Variants in LGR5 observed in about 807,000 individuals in gnomAD.
LGR5 encodes the protein leucine rich repeat containing G protein-coupled receptor 5.
In LGR5, 54 loss-of-function variants were observed where a neutral mutation model predicts 76.7. That is an observed-to-expected ratio of 0.70 (90% CI 0.57 to 0.88). The LOEUF is 0.88. Among genes scored for constraint, LGR5 ranks in the 40% least tolerant of loss-of-function variants. The pLI is 0.00. For missense variants in LGR5, 1,078 were observed against 1,073.3 expected (o/e 1.00, Z -0.06); for synonymous variants, 406 against 421.9 (o/e 0.96, Z 0.46).
At chr12:71,540,870 A>G (rs1876841798) in intron 4 of LGR5, among the ~76,000 whole-genome samples, 1 of 152,222 alleles carries the variant, frequency 6.6e-6, no homozygotes, top group African/African-American at 2.4e-5. Context: ...AGGGGTTAAA[A>G]AAACAGTGGT....
At chr12:71,459,820 A>C (rs1044848033) in intron 1 of LGR5, among the ~76,000 whole-genome samples, 3 of 151,760 alleles carry the variant, frequency 2.0e-5, no homozygotes, top group African/African-American at 7.3e-5. Flanking sequence ...TACTCCTATA[A>C]ATTATAATAA....
chr12:71,490,144 A>C (rs10879290), intron 1 of LGR5, among the ~76,000 whole-genome samples: 74,946 of 148,792 alleles, frequency 0.5, 19,610 homozygotes, highest in East Asian at 0.85. Flanking sequence ...AAAAAAAAAA[A>C]CCCATAAAAA....
chr12:71,491,736 A>G (rs1277028073), intron 1 of LGR5, among the ~76,000 whole-genome samples: 1 of 149,992 alleles, frequency 6.7e-6, no homozygotes, highest in East Asian at 2.0e-4. Flanking sequence ...GCAAACAAGT[A>G]TTGGCTCTTC....
Position 71,584,619 on chromosome 12 carries a change from C to T in LGR5, c.2609C>T (p.Thr870Ile). ...QSCDSTQALV[T>I]FTSSSITYDL... ...TGTGACTCAACTCAAGCCTTGGTAA[C>T]CTTTACCAGCTCCAGCATCACTTAT... Residue 870 changes from threonine (T) to isoleucine (I), a missense_variant, in exon 18 of 18, where the codon ACC (threonine) becomes ATC (isoleucine). Physicochemically the swap from Thr to Ile is moderately conservative, Grantham distance 89. Coordinates refer to ENST00000266674, the MANE Select transcript of LGR5 (RefSeq NM_003667.4). 1 of 1,614,202 alleles carries T rather than the reference C, an allele frequency of 6.2e-7. No individual in the cohort carries two copies. The highest frequency in any genetic ancestry group is 8.5e-7 in the Non-Finnish European group (1 of 1,180,038).
At chr12:71,567,279 A>C in intron 11 of LGR5, 1 of 238,916 alleles carries the variant, frequency 4.2e-6, no homozygotes, top group Non-Finnish European at 8.3e-6. Flanking sequence ...CCAAAATCAA[A>C]AACTGAGATC....
intron 2 of LGR5, among the ~76,000 whole-genome samples, chr12:71,520,843 G>C (rs1875694435): frequency 6.6e-6 from 1 of 152,098 alleles, no homozygotes; most frequent in Admixed American, 6.5e-5. Flanking sequence ...TTGTGCACAT[G>C]TACCCCAGAA....
chr12:71,582,273 G>A, intron 16 of LGR5, 183 bp from the exon 17 acceptor site: 1 of 552,436 alleles, frequency 1.8e-6, no homozygotes, highest in Non-Finnish European at 3.3e-6. Context: ...TACTAGAATA[G>A]TATGTCATAG....
chr12:71,534,099 T>A (rs1876463410), intron 3 of LGR5, among the ~76,000 whole-genome samples: 1 of 152,216 alleles, frequency 6.6e-6, no homozygotes, highest in African/African-American at 2.4e-5. Flanking sequence ...AGTAGAAATA[T>A]TTCTTTAAAA....
At chr12:71,526,006 GATCTATGAA>G (rs944149341) in intron 3 of LGR5, among the ~76,000 whole-genome samples, 8 of 151,968 alleles carry the variant, frequency 5.3e-5, no homozygotes, top group Non-Finnish European at 1.0e-4. Flanking sequence ...ATGCACTAAA[GATCTATGAA>G]ATTAGAGATG....
At chr12:71,579,034 T>C (rs1013675350) in intron 15 of LGR5, 105 bp downstream of exon 15, 7 of 1,032,920 alleles carry the variant, frequency 6.8e-6, no homozygotes, top group Admixed American at 2.8e-5. Flanking sequence ...CACTTTTGAA[T>C]TGCATTTCAT....
chr12:71,440,314 T>G lies in LGR5; in HGVS notation c.212+22T>G. On this transcript the variant is annotated intron_variant, in intron 1 of 17. Coordinates refer to ENST00000266674, the MANE Select transcript of LGR5 (RefSeq NM_003667.4). This position sits in a 1 kb window ranked among gnomAD's most constrained non-coding sequence, Gnocchi z 5.3. ...ACCTGTAAGTACTTCCCCACGTCAC[T>G]CCGGGAGAGAGACTAAGAGGGGAAG... 1 of 1,598,144 alleles carries G rather than the reference T, an allele frequency of 6.3e-7. No individual in the cohort carries two copies. Among genetic ancestry groups the G allele is most frequent in the Non-Finnish European group, 8.5e-7 (1 of 1,173,430 alleles).
At chr12:71,478,975 T>G (rs141269419) in intron 1 of LGR5, among the ~76,000 whole-genome samples, 1 of 152,316 alleles carries the variant, frequency 6.6e-6, no homozygotes, top group Non-Finnish European at 1.5e-5. Context: ...CGAAGGACAT[T>G]TTCACTTTAA....
At chr12:71,557,527 T>C (rs1464277234) in intron 6 of LGR5, among the ~76,000 whole-genome samples, 1 of 152,210 alleles carries the variant, frequency 6.6e-6, no homozygotes, top group Non-Finnish European at 1.5e-5. Context: ...TGTTTACTAC[T>C]ACATACTACT....
At chr12:71,527,583 C>A (rs191402755) in intron 3 of LGR5, among the ~76,000 whole-genome samples, 10 of 152,060 alleles carry the variant, frequency 6.6e-5, no homozygotes, top group African/African-American at 1.9e-4. Flanking sequence ...ATTTTTAAGG[C>A]GATAATACAA....
intron 1 of LGR5, among the ~76,000 whole-genome samples, chr12:71,474,858 A>G (rs1355260596): frequency 6.6e-6 from 1 of 152,246 alleles, no homozygotes; most frequent in Non-Finnish European, 1.5e-5. Context: ...AAAATACATC[A>G]TAGCATAGAG....
At chr12:71,557,915 T>C (rs749651053) in intron 6 of LGR5, among the ~76,000 whole-genome samples, 1 of 152,206 alleles carries the variant, frequency 6.6e-6, no homozygotes, top group African/African-American at 2.4e-5. Flanking sequence ...TCCTGTGCCC[T>C]TGGGGCCCAC....
At chr12:71,536,533 C>T (rs1452929309) in intron 4 of LGR5, among the ~76,000 whole-genome samples, 1 of 152,176 alleles carries the variant, frequency 6.6e-6, no homozygotes, top group Non-Finnish European at 1.5e-5. Context: ...CTTTGTTGCA[C>T]AAGCCTTTAC....
intron 2 of LGR5, among the ~76,000 whole-genome samples, chr12:71,505,880 C>T (rs1011507240): frequency 2.0e-5 from 3 of 152,086 alleles, no homozygotes; most frequent in African/African-American, 7.2e-5. Context: ...CACTCTAGGT[C>T]CCAGGCCTTT....
intron 1 of LGR5, among the ~76,000 whole-genome samples, chr12:71,455,377 T>C (rs558860451): frequency 6.6e-6 from 1 of 152,242 alleles, no homozygotes; most frequent in Non-Finnish European, 1.5e-5. Context: ...ATTGTGTGTA[T>C]TGCAATAGGG....
Sources: gnomAD v4.1 joint callset for allele counts (sites outside exome capture counted in the v4.1 genomes callset) on GRCh38, gnomAD v4.1.1 for gene constraint, Gnocchi (gnomAD v3.1) non-coding constraint, MANE v1.5 for transcripts, NCBI Gene and HGNC (gene_info 2026-07-23, HGNC 2026-07-21) for gene names.